CYLC2: variants seen among roughly 807,000 people sequenced by gnomAD.
The protein encoded by CYLC2 is cylicin-2.
Under a neutral mutation model 26.1 loss-of-function variants are expected in CYLC2, and 30 were observed. That is an observed-to-expected ratio of 1.15 (90% CI 0.86 to 1.56). The LOEUF is 1.56. Ranked by LOEUF, CYLC2 falls within the 40% of genes most tolerant of loss-of-function variation. The pLI is 0.00. For synonymous variants in CYLC2, 158 were observed against 132.8 expected, an observed-to-expected ratio of 1.19 and a Z score of -1.31; for missense variants, 498 against 394.4, an observed-to-expected ratio of 1.26 and a Z score of -2.23.
intron 1 of CYLC2, among the ~76,000 whole-genome samples, 173 bp from the exon 2 acceptor site, chr9:103,001,405 A>T (rs1416900885): frequency 2.0e-5 from 3 of 151,842 alleles, no homozygotes; most frequent in African/African-American, 7.2e-5. Context: ...TTGAAAACAC[A>T]TTTGCTCATC....
At chr9:103,013,081 G>GTATCATAAATAATATAAAAATATA (rs984586094) in intron 6 of CYLC2, among the ~76,000 whole-genome samples, 1 of 140,040 alleles carries the variant, frequency 7.1e-6, no homozygotes, top group Non-Finnish European at 1.5e-5. Flanking sequence ...GTATAAATAT[G>GTATCATAAATAATATAAAAATATA]TATCATAAAT....
chr9:103,007,562 A>G (rs1034801460), intron 5 of CYLC2, among the ~76,000 whole-genome samples: 1 of 152,196 alleles, frequency 6.6e-6, no homozygotes, highest in Non-Finnish European at 1.5e-5. Flanking sequence ...AAAACTCTGT[A>G]TTAAACTCTG....
Position 103,005,815 on chromosome 9 carries a change from G to A in CYLC2, c.*137G>A. The stretch of plus-strand genomic sequence containing the variant: ...ATAATTTTTAAAAGGTGGTAAAGAA[G>A]GATACAAAGGAGAACTCAGCAGAGA... On this transcript the variant is annotated 3_prime_UTR_variant, in exon 5 of 8. Coordinates refer to ENST00000374798, the MANE Select transcript of CYLC2 (RefSeq NM_001340.5). 7 of 939,026 alleles carry A rather than the reference G, an allele frequency of 7.5e-6. No homozygotes were observed. Among genetic ancestry groups the A allele is most frequent in the South Asian group, 3.9e-5 (2 of 51,602 alleles). 58.2% of individuals were successfully genotyped at this position (939,026 alleles called of 1,614,324 possible).
At chr9:103,014,695 A>ACAT (rs1829473600) in intron 6 of CYLC2, among the ~76,000 whole-genome samples, 2 of 128,292 alleles carry the variant, frequency 1.6e-5, no homozygotes, top group African/African-American at 5.8e-5. Flanking sequence ...TATGTAATAT[A>ACAT]CGTATGTATA....
At chr9:103,012,644 G>A (rs1829419684) in intron 6 of CYLC2, among the ~76,000 whole-genome samples, 1 of 151,948 alleles carries the variant, frequency 6.6e-6, no homozygotes, top group African/African-American at 2.4e-5. Flanking sequence ...AAAGTATCCA[G>A]TGATAATATC....
Position 103,004,696 on chromosome 9 carries a change from T to C in CYLC2, c.182T>C (p.Ile61Thr). 6.3e-7 allele frequency: 1 copy of C among 1,587,502 alleles called. No individual in the cohort carries two copies. Among genetic ancestry groups the C allele is most frequent in the Non-Finnish European group, 8.5e-7 (1 of 1,170,012 alleles). Residue 61 changes from isoleucine to threonine, a missense_variant and splice_region_variant, in exon 4 of 8, where the codon ATA becomes ACA. Transcript: ENST00000374798. Reference sequence around the variant, plus strand: ...ATCATTATTGTAACCATCTTTCAGATAATTGATGAAGAACAATTAAGAGGA... The same window carrying C: ...ATCATTATTGTAACCATCTTTCAGACAATTGATGAAGAACAATTAAGAGGA... Reference protein sequence around the residue: ...PSQIRDNTVSIIDEEQLRGDR... With the variant: ...PSQIRDNTVSTIDEEQLRGDR...
chr9:103,008,912 A>C (rs1004685140), intron 5 of CYLC2, among the ~76,000 whole-genome samples: 6 of 152,056 alleles, frequency 3.9e-5, no homozygotes, highest in Non-Finnish European at 8.8e-5. Context: ...AAAGCTTTCT[A>C]GTGTACTGAT....
chr9:103,014,961 A>AATATG, intron 6 of CYLC2, among the ~76,000 whole-genome samples: 3 of 132,552 alleles, frequency 2.3e-5, no homozygotes, highest in East Asian at 2.3e-4. Context: ...TAATATACAT[A>AATATG]TTCATATTAT....
In CYLC2 at chr9:103,016,939, AG is replaced by A. The variant is rs2118281971; in HGVS notation, c.*870del. 6.6e-6 allele frequency: 1 copy of A among 152,138 alleles called. No homozygotes were observed. Among genetic ancestry groups the A allele is most frequent in the Admixed American group, 6.6e-5 (1 of 15,210 alleles). 9.4% of individuals were successfully genotyped at this position (152,138 alleles called of 1,614,324 possible). On this transcript the variant is annotated 3_prime_UTR_variant, in exon 7 of 8. Transcript: ENST00000374798. ...CTGGAGAAAGTTATCACAAGTGGAAAGGTTACCCTAGAAACAAAAGATGTAA... is the reference window on the plus strand; with the variant it reads ...CTGGAGAAAGTTATCACAAGTGGAAAGTTACCCTAGAAACAAAAGATGTAA...
intron 5 of CYLC2, among the ~76,000 whole-genome samples, chr9:103,011,043 T>C (rs1829401627): frequency 6.6e-6 from 1 of 152,030 alleles, no homozygotes; most frequent in Non-Finnish European, 1.5e-5. Context: ...CAACTAGATA[T>C]AAGATTATCT....
chr9:102,996,004 A>G (rs1355511415), intron 1 of CYLC2, among the ~76,000 whole-genome samples: 1 of 151,930 alleles, frequency 6.6e-6, no homozygotes, highest in Non-Finnish European at 1.5e-5. Context: ...TAAGGTAGGT[A>G]AAGAGCACGT....
chr9:103,011,447 G>A (rs1393402953), intron 5 of CYLC2, among the ~76,000 whole-genome samples: 2 of 151,966 alleles, frequency 1.3e-5, no homozygotes, highest in African/African-American at 2.4e-5. Context: ...TTTAGGTTGA[G>A]GAACTTAAGC....
Position 103,005,669 on chromosome 9 carries a change from G to A in CYLC2, c.1038G>A (p.Lys346=). 1.2e-6 allele frequency: 2 copies of A among 1,605,654 alleles called. No individual in the cohort carries two copies. Among genetic ancestry groups the A allele is most frequent in the Non-Finnish European group, 1.7e-6 (2 of 1,176,784 alleles). The change falls in exon 5 of 8, where the codon AAG becomes AAA. Residue 346 remains lysine (K), a synonymous_variant. Transcript: ENST00000374798. The part of the protein sequence containing the change: ...KKDEKKDAKK[K]GK ...ATGAAAAGAAGGATGCAAAGAAGAA[G>A]GGCAAGTAGGCCTTGGATAAGAATT...
At chr9:103,006,428 T>TA (rs1564098482) in intron 5 of CYLC2, 50 bp downstream of exon 5, 2 of 20,812 alleles carry the variant, frequency 9.6e-5, no homozygotes, top group Non-Finnish European at 2.2e-4. Flanking sequence ...TTTATTTATT[T>TA]TTTGAGATGG....
intron 7 of CYLC2, among the ~76,000 whole-genome samples, chr9:103,017,806 G>A (rs911034000): frequency 6.6e-6 from 1 of 151,892 alleles, no homozygotes; most frequent in African/African-American, 2.4e-5. Flanking sequence ...TCAAGATATT[G>A]GCAGCGTTGA....
In CYLC2 at chr9:103,003,162, T is replaced by C; in HGVS notation, c.79T>C (p.Ser27Pro). Residue 27 changes from serine to proline, a missense_variant, in exon 3 of 8, where the codon TCA (serine) becomes CCA (proline). Transcript: ENST00000374798. ...TTTAGTCAGTGAATTAAGCAAAAAA[T>C]CATGGAATCAGCAACACTTTGCCCT... ...YIPVSELSKK[S>P]WNQQHFALLF... 1 of 1,613,642 alleles carries C rather than the reference T, an allele frequency of 6.2e-7. No homozygotes were observed. Among genetic ancestry groups the C allele is most frequent in the Non-Finnish European group, 8.5e-7 (1 of 1,179,756 alleles).
In CYLC2 at chr9:103,014,627, AGT is replaced by A. The variant is rs1202847802; in HGVS notation, c.*817-2260_*817-2259del. Among the ~76,000 whole-genome samples the A allele has an allele frequency of 1.0e-3, 148 of 143,278 alleles. 1 individual carries two copies. The highest frequency in any genetic ancestry group is 3.6e-3 in the African/African-American group (140 of 39,206). The allele number at this position is 143,278 out of a possible 152,430, so 94.0% of individuals were successfully genotyped here. A position where few individuals can be genotyped will look rare whatever the true frequency, so the allele number is the denominator to read the frequency against. The stretch of plus-strand genomic sequence containing the variant: ...AGTATACATCATATGTATATTATGC[AGT>A]ATACATCATATGTATATTATGCAGT... On this transcript the variant is annotated intron_variant, in intron 6 of 7. Coordinates refer to ENST00000374798, the MANE Select transcript of CYLC2 (RefSeq NM_001340.5).
intron 3 of CYLC2, among the ~76,000 whole-genome samples, chr9:103,004,267 T>A (rs10122386): frequency 0.068 from 10,292 of 152,160 alleles, 385 homozygotes; most frequent in South Asian, 0.12. Flanking sequence ...CCAGAGACTC[T>A]GAAAATGAAA....
intron 6 of CYLC2, among the ~76,000 whole-genome samples, chr9:103,013,897 T>A (rs1177989096): frequency 8.8e-6 from 1 of 113,836 alleles, no homozygotes; most frequent in Non-Finnish European, 1.6e-5. Flanking sequence ...TAATATATTA[T>A]ATATAATATT....
Sources: allele counts gnomAD v4.1 joint callset (sites outside exome capture counted in the v4.1 genomes callset), GRCh38; gene constraint gnomAD v4.1.1; transcripts MANE v1.5; gene names NCBI Gene and HGNC (gene_info 2026-07-23, HGNC 2026-07-21).